PCSK2: variants seen among roughly 807,000 people sequenced by gnomAD.
PCSK2 encodes the protein neuroendocrine convertase 2.
PCSK2 carries 14 observed loss-of-function variants against 69.7 expected under a neutral mutation model. That is an observed-to-expected ratio of 0.20 (90% confidence interval 0.13 to 0.31). The LOEUF is 0.31. Among genes scored for constraint, PCSK2 ranks in the 10% least tolerant of loss-of-function variants. PCSK2 has a pLI of 1.00. For missense variants in PCSK2, 544 were observed against 842.5 expected (o/e 0.65, Z 4.39); for synonymous variants, 307 against 320.7 (o/e 0.96, Z 0.46).
intron 5 of PCSK2, among the ~76,000 whole-genome samples, chr20:17,382,729 G>A (rs901325664): frequency 6.6e-6 from 1 of 152,002 alleles, no homozygotes; most frequent in Non-Finnish European, 1.5e-5. Context: ...AAGCAGAAAG[G>A]TCGTTACAAA....
rs1037834003 is a variant in PCSK2 at position 17,345,964 on chromosome 20, T to C, written c.283-12363T>C. ...CACATGACCTTGATGCTATTAGCTCTTTCCATTGAAGCTTGCTGGCCATAT... is the reference window on the plus strand; with the variant it reads ...CACATGACCTTGATGCTATTAGCTCCTTCCATTGAAGCTTGCTGGCCATAT... On this transcript the variant is annotated intron_variant, in intron 2 of 11. Coordinates refer to ENST00000262545, the MANE Select transcript of PCSK2 (RefSeq NM_002594.5). Among the ~76,000 whole-genome samples, 3 of 152,212 alleles carry C rather than the reference T, an allele frequency of 2.0e-5. No homozygotes were observed. In the East Asian group the frequency reaches 5.8e-4, roughly 29 times the overall value.
At chr20:17,347,219 C>G (rs1990674967) in intron 2 of PCSK2, among the ~76,000 whole-genome samples, 1 of 152,156 alleles carries the variant, frequency 6.6e-6, no homozygotes, top group South Asian at 2.1e-4. Context: ...ATTGGGCTTT[C>G]CAAAAAGTCA....
intron 2 of PCSK2, among the ~76,000 whole-genome samples, chr20:17,300,149 A>G (rs1451763425): frequency 6.6e-6 from 1 of 152,216 alleles, no homozygotes; most frequent in Non-Finnish European, 1.5e-5. Context: ...GGATGGTCAC[A>G]ACATCCAGCC....
At chr20:17,344,649 T>TTGTC (rs3076247) in intron 2 of PCSK2, among the ~76,000 whole-genome samples, 1 of 151,478 alleles carries the variant, frequency 6.6e-6, no homozygotes. Context: ...GCTTGTTTGT[T>TTGTC]CCCCATTGAA....
intron 1 of PCSK2, among the ~76,000 whole-genome samples, chr20:17,229,117 C>T (rs890743627): frequency 2.0e-5 from 3 of 151,992 alleles, no homozygotes; most frequent in Admixed American, 6.5e-5. Context: ...CGGAAGCTTA[C>T]GTGCTGGAGT....
intron 2 of PCSK2, among the ~76,000 whole-genome samples, chr20:17,336,827 A>G (rs1195457858): frequency 1.3e-5 from 2 of 152,174 alleles, no homozygotes; most frequent in African/African-American, 4.8e-5. Flanking sequence ...AGATGAACTG[A>G]GGGCCAGTGA....
chr20:17,381,060 A>C (rs944285086), intron 5 of PCSK2, among the ~76,000 whole-genome samples: 1 of 152,180 alleles, frequency 6.6e-6, no homozygotes, highest in Admixed American at 6.5e-5. Context: ...CTGGAGCTTT[A>C]GGCAAAGCAG....
intron 8 of PCSK2, among the ~76,000 whole-genome samples, chr20:17,447,029 G>A (rs1404245019): frequency 6.6e-6 from 1 of 152,024 alleles, no homozygotes; most frequent in Non-Finnish European, 1.5e-5. Flanking sequence ...GTTGTGGGCA[G>A]ATCCCTTGAG....
intron 2 of PCSK2, among the ~76,000 whole-genome samples, chr20:17,270,841 C>A (rs1055057805): frequency 1.4e-4 from 22 of 152,066 alleles, no homozygotes; most frequent in African/African-American, 5.3e-4. Context: ...TGAGGTCATT[C>A]TTGAGTTCCA....
chr20:17,268,285 G>A (rs1279242747), intron 2 of PCSK2, among the ~76,000 whole-genome samples: 1 of 151,942 alleles, frequency 6.6e-6, no homozygotes, highest in Admixed American at 6.6e-5. Context: ...TATACTAGTG[G>A]CAATGAAGGA....
At chr20:17,237,074 A>G (rs1986369708) in intron 1 of PCSK2, among the ~76,000 whole-genome samples, 1 of 152,216 alleles carries the variant, frequency 6.6e-6, no homozygotes, top group Non-Finnish European at 1.5e-5. Context: ...GTCTTAAGCA[A>G]CATTCAGATT....
chr20:17,424,691 C>A (rs2032206576), intron 6 of PCSK2, among the ~76,000 whole-genome samples: 3 of 152,260 alleles, frequency 2.0e-5, no homozygotes, highest in Non-Finnish European at 2.9e-5. Flanking sequence ...CAGGGTTTCA[C>A]CATGTTGGTC....
At chr20:17,384,845 C>A (rs1427317887) in intron 5 of PCSK2, among the ~76,000 whole-genome samples, 2 of 151,980 alleles carry the variant, frequency 1.3e-5, no homozygotes, top group Non-Finnish European at 2.9e-5. Flanking sequence ...ACGGGAGGAT[C>A]TATTGAGCCT....
chr20:17,252,750 T>C (rs1987032929), intron 1 of PCSK2, among the ~76,000 whole-genome samples: 1 of 152,184 alleles, frequency 6.6e-6, no homozygotes, highest in South Asian at 2.1e-4. Context: ...ATATCATCAT[T>C]ACCTTTGTCT....
chr20:17,347,842 A>AG (rs2123186081), intron 2 of PCSK2, among the ~76,000 whole-genome samples: 1 of 140,398 alleles, frequency 7.1e-6, no homozygotes, highest in South Asian at 2.3e-4. Flanking sequence ...GAAAGAAAGA[A>AG]AGAAAGAAAG....
chr20:17,379,240 G>A (rs914905393), intron 5 of PCSK2, among the ~76,000 whole-genome samples: 3 of 152,210 alleles, frequency 2.0e-5, no homozygotes, highest in African/African-American at 7.2e-5. Flanking sequence ...AAAATGGGCA[G>A]TCATCCACAC....
Position 17,465,328 on chromosome 20 carries a change from T to G in PCSK2, c.1205T>G (p.Leu402Arg). 6.2e-7 allele frequency: 1 copy of G among 1,613,466 alleles called. No individual in the cohort carries two copies. Among genetic ancestry groups the G allele is most frequent in the Non-Finnish European group, 8.5e-7 (1 of 1,179,468 alleles). Reference sequence around the variant, plus strand: ...TGCTCTCTGCTTCCTGTATCCAGCCTGGGTCTGACCTGGCGGGACATGCAG... The same window carrying G: ...TGCTCTCTGCTTCCTGTATCCAGCCGGGGTCTGACCTGGCGGGACATGCAG... ...GVFALALEAN[L>R]GLTWRDMQHL... The change falls in exon 11 of 12, where the codon CTG (leucine) becomes CGG (arginine). Residue 402 changes from leucine to arginine, a missense_variant and splice_region_variant. Leu to Arg is a moderately radical substitution (Grantham distance 102, BLOSUM62 -2). Transcript: ENST00000262545.
chr20:17,227,035 C>T, upstream of PCSK2: 1 of 435,936 alleles, frequency 2.3e-6, no homozygotes, highest in Non-Finnish European at 4.1e-6. Flanking sequence ...CACAGACCTA[C>T]ACTCGCTCTT....
chr20:17,265,492 G>C (rs1450005508), intron 2 of PCSK2, among the ~76,000 whole-genome samples: 1 of 152,028 alleles, frequency 6.6e-6, no homozygotes, highest in African/African-American at 2.4e-5. Context: ...ATATAGATTT[G>C]ATTATATTTT....
Sources: allele counts gnomAD v4.1 joint callset (sites outside exome capture counted in the v4.1 genomes callset), GRCh38; gene constraint gnomAD v4.1.1; transcripts MANE v1.5; gene names NCBI Gene and HGNC (gene_info 2026-07-23, HGNC 2026-07-21).